The following SELENOI variants were observed in gnomAD, a reference collection of about 807,000 sequenced individuals.
SELENOI encodes ethanolaminephosphotransferase 1.
SELENOI carries 24 observed loss-of-function variants against 50.7 expected under a neutral mutation model. That is an observed-to-expected ratio of 0.47 (90% CI 0.34 to 0.67). The LOEUF (loss-of-function observed/expected upper bound fraction) is 0.67. Ranked by LOEUF, SELENOI falls within the 30% of genes least tolerant of loss-of-function variation. SELENOI has a pLI of 0.01. For missense variants in SELENOI, 352 were observed against 461.4 expected (o/e 0.76, Z 2.17); for synonymous variants, 155 against 170.2 (o/e 0.91, Z 0.70).
Position 26,386,443 on chromosome 2 carries a change from A to G in SELENOI, c.1002A>G (p.Val334=), listed in dbSNP as rs1677843671. The change falls in exon 9 of 10, where the codon GTA becomes GTG. Residue 334 remains valine (V), a synonymous_variant. Transcript: ENST00000260585. ...CTCTCTTCTTGGTTGTCTTAGTGGT[A>G]AACCTAGGAGTAGCCTCTTACGTTG... ...LVPLFLVVLV[V]NLGVASYVES... The G allele has an allele frequency of 1.2e-6, 2 of 1,613,778 alleles. No individual in the cohort carries two copies. Among genetic ancestry groups the G allele is most frequent in the Non-Finnish European group, 1.7e-6 (2 of 1,179,870 alleles).
At chr2:26,383,559 T>C (rs1677755231) in intron 7 of SELENOI, among the ~76,000 whole-genome samples, 1 of 152,164 alleles carries the variant, frequency 6.6e-6, no homozygotes, top group Non-Finnish European at 1.5e-5. Flanking sequence ...CTAGTTCTTT[T>C]GTTACGGTTT....
At chr2:26,387,526 A>G (rs1039017266) in intron 9 of SELENOI, among the ~76,000 whole-genome samples, 1 of 147,636 alleles carries the variant, frequency 6.8e-6, no homozygotes, top group Admixed American at 7.2e-5. Flanking sequence ...CCCTGTCTCT[A>G]CAAAAAATAC....
chr2:26,350,131 A>T (rs1202888000), intron 1 of SELENOI, among the ~76,000 whole-genome samples: 1 of 151,602 alleles, frequency 6.6e-6, no homozygotes, highest in African/African-American at 2.4e-5. Context: ...TGTGTGTATA[A>T]ATATATATAT....
intron 1 of SELENOI, among the ~76,000 whole-genome samples, chr2:26,359,253 T>A (rs1483773005): frequency 6.6e-6 from 1 of 152,148 alleles, no homozygotes; most frequent in Non-Finnish European, 1.5e-5. Context: ...CGAAGGAGAC[T>A]GAAACCATGG....
In SELENOI at chr2:26,389,801, T is replaced by C. The variant is rs895998220; in HGVS notation, c.*698T>C. The C allele has an allele frequency of 1.3e-5, 2 of 152,176 alleles. No individual in the cohort carries two copies. Among genetic ancestry groups the C allele is most frequent in the African/African-American group, 4.8e-5 (2 of 41,384 alleles). The allele number at this position is 152,176 out of a possible 1,614,324, so 9.4% of individuals were successfully genotyped here. On this transcript the variant is annotated 3_prime_UTR_variant, in exon 10 of 10. Transcript: ENST00000260585. ...TCGCTCACCCATTGGGATGGTTCAT[T>C]GTTTAAATATGGCATTTTCCCCCCT...
chr2:26,377,079 G>C (rs1677583159), intron 6 of SELENOI, among the ~76,000 whole-genome samples: 1 of 152,170 alleles, frequency 6.6e-6, no homozygotes, highest in Admixed American at 6.5e-5. Context: ...GAAGTTTTCA[G>C]TCACAGTTTC....
chr2:26,357,668 C>G (rs958508068), intron 1 of SELENOI, among the ~76,000 whole-genome samples: 4 of 152,222 alleles, frequency 2.6e-5, no homozygotes, highest in African/African-American at 9.7e-5. Flanking sequence ...ATATGGCCTT[C>G]TTCCCTGTGT....
chr2:26,351,728 G>A (rs1318106940), intron 1 of SELENOI, among the ~76,000 whole-genome samples: 1 of 152,226 alleles, frequency 6.6e-6, no homozygotes. Context: ...ATTTGATCCT[G>A]TAGATCACTG....
At position 26,390,646 on chromosome 2, in the gene SELENOI, T is replaced by C. The variant is rs1181688327; in HGVS notation, c.*1543T>C. Reference sequence around the variant, plus strand: ...ATGAGTCACGGCACTAACTCATGGTTCTATACTCATTTTAAGAAATTGTAA... The same window carrying C: ...ATGAGTCACGGCACTAACTCATGGTCCTATACTCATTTTAAGAAATTGTAA... On this transcript the variant is annotated 3_prime_UTR_variant, in exon 10 of 10. Transcript: ENST00000260585. 6.6e-6 allele frequency: 1 copy of C among 152,322 alleles called. No homozygotes were observed. The highest frequency in any genetic ancestry group is 1.5e-5 in the Non-Finnish European group (1 of 68,026). 9.4% of individuals were successfully genotyped at this position (152,322 alleles called of 1,614,324 possible).
chr2:26,385,680 A>G (rs534393142), intron 8 of SELENOI, among the ~76,000 whole-genome samples: 2 of 152,352 alleles, frequency 1.3e-5, no homozygotes, highest in East Asian at 3.9e-4. Flanking sequence ...AAAGACTCTG[A>G]TAGTCCTGAA....
intron 1 of SELENOI, among the ~76,000 whole-genome samples, chr2:26,359,645 A>G (rs1190766638): frequency 1.3e-5 from 2 of 152,166 alleles, no homozygotes; most frequent in Admixed American, 6.5e-5. Flanking sequence ...TCTGTCTCAA[A>G]AAAAAGAAAA....
At chr2:26,379,831 A>G (rs1433886065) in intron 6 of SELENOI, among the ~76,000 whole-genome samples, 3 of 152,316 alleles carry the variant, frequency 2.0e-5, no homozygotes, top group Non-Finnish European at 2.9e-5. Context: ...TTATATTTTT[A>G]TCTCCTTTAA....
chr2:26,364,723 G>A lies in SELENOI; in HGVS notation c.127-109G>A. The A allele has an allele frequency of 5.5e-6, 4 of 726,600 alleles. No individual in the cohort carries two copies. The South Asian group carries it at 9.0e-5, about 16-fold the overall frequency. 45.0% of individuals were successfully genotyped at this position (726,600 alleles called of 1,614,324 possible). On this transcript the variant is annotated intron_variant, in intron 2 of 9. Transcript: ENST00000260585. Reference sequence around the variant, plus strand: ...GTTAATGTCTATAACTTCTCCATATGATCTTTCAAATGTATAGCTTTTATT... The same window carrying A: ...GTTAATGTCTATAACTTCTCCATATAATCTTTCAAATGTATAGCTTTTATT...
At position 26,388,986 on chromosome 2, in the gene SELENOI, A is replaced by G; in HGVS notation, c.1096-19A>G. 1.3e-6 allele frequency: 2 copies of G among 1,545,054 alleles called. No homozygotes were observed. The highest frequency in any genetic ancestry group is 1.2e-5 in the South Asian group (1 of 84,570). ...TAAGGTACATATTTGTCACTGTCTCATGTTCTGATTTTTCATAGGTAAAGC... is the reference window on the plus strand; with the variant it reads ...TAAGGTACATATTTGTCACTGTCTCGTGTTCTGATTTTTCATAGGTAAAGC... On this transcript the variant is annotated intron_variant, in intron 9 of 9. Transcript: ENST00000260585.
At chr2:26,388,137 A>AACCTTATAT (rs1306558782) in intron 9 of SELENOI, among the ~76,000 whole-genome samples, 1 of 152,218 alleles carries the variant, frequency 6.6e-6, no homozygotes, top group Non-Finnish European at 1.5e-5. Context: ...GTACAAATGT[A>AACCTTATAT]ACCTTATATA....
At position 26,377,257 on chromosome 2, in the gene SELENOI, C is replaced by T. The variant is rs144800021; in HGVS notation, c.682+2109C>T. Among the ~76,000 whole-genome samples the T allele has an allele frequency of 4.3e-4, 66 of 152,204 alleles. 2 individuals carry two copies. Among genetic ancestry groups the T allele is most frequent in the African/African-American group, 1.4e-3 (59 of 41,534 alleles). ...TAGTGGATAACTTTTATTCATCTGTCTTTAAATTCATTGCTTTTTTTTTCT... is the reference window on the plus strand; with the variant it reads ...TAGTGGATAACTTTTATTCATCTGTTTTTAAATTCATTGCTTTTTTTTTCT... On this transcript the variant is annotated intron_variant, in intron 6 of 9. Transcript: ENST00000260585.
intron 6 of SELENOI, among the ~76,000 whole-genome samples, chr2:26,379,476 G>A (rs1677638844): frequency 1.3e-5 from 2 of 151,900 alleles, no homozygotes; most frequent in Non-Finnish European, 2.9e-5. Flanking sequence ...TTTTGATACA[G>A]GTTTAATTTT....
chr2:26,360,221 C>T (rs1258476393), intron 1 of SELENOI, among the ~76,000 whole-genome samples: 1 of 152,126 alleles, frequency 6.6e-6, no homozygotes, highest in Non-Finnish European at 1.5e-5. Context: ...GTTCTTAAGA[C>T]AGTTTAGAGT....
chr2:26,394,739 G>C lies in SELENOI; in HGVS notation c.*5636G>C, dbSNP rs1396288891. 1.3e-5 allele frequency: 2 copies of C among 151,946 alleles called. No individual in the cohort carries two copies. The highest frequency in any genetic ancestry group is 4.8e-5 in the African/African-American group (2 of 41,364). 9.4% of individuals were successfully genotyped at this position (151,946 alleles called of 1,614,324 possible). A position where few individuals can be genotyped will look rare whatever the true frequency, so the allele number is the denominator to read the frequency against. Reference sequence around the variant, plus strand: ...ACTCCCTGCTGCCCGCCTTCCCCCAGTCCCCTCCATCTAACATAATACAGT... The same window carrying C: ...ACTCCCTGCTGCCCGCCTTCCCCCACTCCCCTCCATCTAACATAATACAGT... On this transcript the variant is annotated 3_prime_UTR_variant, in exon 10 of 10. Transcript: ENST00000260585. The surrounding 1 kb of genome is among the most constrained non-coding windows in gnomAD (Gnocchi z 4.1).
Sources: allele counts gnomAD v4.1 joint callset (sites outside exome capture counted in the v4.1 genomes callset), GRCh38; gene constraint gnomAD v4.1.1; non-coding constraint Gnocchi (gnomAD v3.1); transcripts MANE v1.5; gene names NCBI Gene and HGNC (gene_info 2026-07-23, HGNC 2026-07-21).